Variants in KCNIP4 observed in about 807,000 individuals in gnomAD.
KCNIP4 encodes potassium voltage-gated channel interacting protein 4.
Under a neutral mutation model 34.0 loss-of-function variants are expected in KCNIP4, and 12 were observed. That is an observed-to-expected ratio of 0.35 (90% CI 0.23 to 0.57). The LOEUF (loss-of-function observed/expected upper bound fraction) is 0.57, where lower values mean the gene tolerates loss of function less well. Among genes scored for constraint, KCNIP4 ranks in the 20% least tolerant of loss-of-function variants. The pLI, the probability that KCNIP4 is intolerant of heterozygous loss-of-function variation, is 0.83. For synonymous variants in KCNIP4, 124 were observed against 102.2 expected, an observed-to-expected ratio of 1.21 and a Z score of -1.29; for missense variants, 238 against 311.7, an observed-to-expected ratio of 0.76 and a Z score of 1.78.
intron 1 of KCNIP4, among the ~76,000 whole-genome samples, chr4:21,662,833 G>T (rs557366284): frequency 6.6e-6 from 1 of 152,246 alleles, no homozygotes; most frequent in East Asian, 1.9e-4. Context: ...ACATCCTCCA[G>T]CATTTCATGT....
chr4:20,809,258 A>C (rs892359778), intron 3 of KCNIP4, among the ~76,000 whole-genome samples: 1 of 152,198 alleles, frequency 6.6e-6, no homozygotes, highest in Non-Finnish European at 1.5e-5. Context: ...TTAAAGAAGA[A>C]ATGCAAGAAC....
At chr4:21,490,209 C>T (rs1019187601) in intron 1 of KCNIP4, among the ~76,000 whole-genome samples, 6 of 152,034 alleles carry the variant, frequency 3.9e-5, no homozygotes, top group African/African-American at 7.2e-5. Context: ...TTGGGAAAGT[C>T]GTTTAGTTCC....
chr4:20,842,836 G>A (rs1018085677), intron 3 of KCNIP4, among the ~76,000 whole-genome samples: 1 of 152,036 alleles, frequency 6.6e-6, no homozygotes, highest in African/African-American at 2.4e-5. Context: ...AAAGACTGGA[G>A]AATTGGCTGA....
intron 1 of KCNIP4, among the ~76,000 whole-genome samples, chr4:21,354,140 T>C (rs971107401): frequency 2.0e-5 from 3 of 152,118 alleles, no homozygotes; most frequent in African/African-American, 7.2e-5. Context: ...CAAGACCTCC[T>C]GAAGGAAGCA....
At chr4:21,468,264 G>C (rs2109796954) in intron 1 of KCNIP4, among the ~76,000 whole-genome samples, 2 of 152,158 alleles carry the variant, frequency 1.3e-5, no homozygotes, top group Non-Finnish European at 2.9e-5. Flanking sequence ...ACATCAGAAA[G>C]GAAGAAGAAG....
intron 1 of KCNIP4, among the ~76,000 whole-genome samples, chr4:21,906,568 A>G (rs1728013943): frequency 1.3e-5 from 2 of 152,104 alleles, no homozygotes; most frequent in Non-Finnish European, 1.5e-5. Context: ...CAGAACTGTG[A>G]GAGAATAAAT....
chr4:21,570,498 T>C (rs908462595), intron 1 of KCNIP4, among the ~76,000 whole-genome samples: 1 of 152,062 alleles, frequency 6.6e-6, no homozygotes, highest in Non-Finnish European at 1.5e-5. Flanking sequence ...AACCTTAGCA[T>C]CAAGCATGTA....
chr4:21,601,796 A>C (rs1293988127), intron 1 of KCNIP4, among the ~76,000 whole-genome samples: 1 of 152,052 alleles, frequency 6.6e-6, no homozygotes, highest in Non-Finnish European at 1.5e-5. Flanking sequence ...TGCTCTCAGA[A>C]CCTTCCTGTA....
At chr4:21,931,676 CATT>C (rs1729575539) in intron 1 of KCNIP4, among the ~76,000 whole-genome samples, 1 of 152,030 alleles carries the variant, frequency 6.6e-6, no homozygotes, top group African/African-American at 2.4e-5. Context: ...TTCAGTCTAT[CATT>C]GTTGGGCATT....
intron 1 of KCNIP4, among the ~76,000 whole-genome samples, chr4:21,429,736 T>C (rs1296810450): frequency 6.6e-6 from 1 of 152,218 alleles, no homozygotes; most frequent in Non-Finnish European, 1.5e-5. Flanking sequence ...TTTTTTATTC[T>C]GATAATTTAT....
chr4:21,059,428 C>T (rs1407866863), intron 1 of KCNIP4, among the ~76,000 whole-genome samples: 1 of 152,128 alleles, frequency 6.6e-6, no homozygotes, highest in Non-Finnish European at 1.5e-5. Context: ...CTTACATTTT[C>T]TGCTGCTGGG....
At chr4:21,681,175 T>C (rs557137029) in intron 1 of KCNIP4, among the ~76,000 whole-genome samples, 3 of 152,242 alleles carry the variant, frequency 2.0e-5, no homozygotes, top group African/African-American at 7.2e-5. Context: ...CCCTAGCTCA[T>C]GCAACCCTCC....
intron 1 of KCNIP4, among the ~76,000 whole-genome samples, chr4:21,919,503 A>G (rs1378562691): frequency 1.3e-5 from 2 of 152,200 alleles, no homozygotes; most frequent in Admixed American, 1.3e-4. Context: ...GAACCATACC[A>G]TTCAGCATTA....
chr4:21,108,716 C>T (rs1241476447), intron 1 of KCNIP4, among the ~76,000 whole-genome samples: 4 of 151,544 alleles, frequency 2.6e-5, no homozygotes, highest in Non-Finnish European at 4.4e-5. Context: ...GTTTTTTCCC[C>T]ATCTTTGTGG....
intron 1 of KCNIP4, among the ~76,000 whole-genome samples, chr4:21,926,475 A>G (rs2109002256): frequency 6.6e-6 from 1 of 152,318 alleles, no homozygotes; most frequent in African/African-American, 2.4e-5. Context: ...CATTGAGAAG[A>G]ATCCAACACT....
chr4:21,442,977 C>G (rs560482348), intron 1 of KCNIP4, among the ~76,000 whole-genome samples: 1 of 152,258 alleles, frequency 6.6e-6, no homozygotes, highest in South Asian at 2.1e-4. Flanking sequence ...ATGGCAAATT[C>G]CTTCTTTCAG....
intron 1 of KCNIP4, among the ~76,000 whole-genome samples, chr4:21,938,338 A>C (rs1729988790): frequency 6.6e-6 from 1 of 152,024 alleles, no homozygotes; most frequent in African/African-American, 2.4e-5. Context: ...CTTCTTTTCC[A>C]TGGGATATTT....
intron 1 of KCNIP4, among the ~76,000 whole-genome samples, chr4:21,275,311 C>G (rs1276806805): frequency 6.6e-6 from 1 of 152,154 alleles, no homozygotes; most frequent in Non-Finnish European, 1.5e-5. Context: ...TGGAAGGTCA[C>G]ACACCTGGGC....
At chr4:21,558,492 A>AT (rs1374256860) in intron 1 of KCNIP4, among the ~76,000 whole-genome samples, 6 of 148,768 alleles carry the variant, frequency 4.0e-5, no homozygotes, top group Non-Finnish European at 7.4e-5. Flanking sequence ...ATTCTGTCTC[A>AT]AAAATAAATA....
Sources: gnomAD v4.1 joint callset for allele counts (sites outside exome capture counted in the v4.1 genomes callset) on GRCh38, gnomAD v4.1.1 for gene constraint, MANE v1.5 for transcripts, NCBI Gene and HGNC (gene_info 2026-07-23, HGNC 2026-07-21) for gene names.